Variants in RANBP17 observed in about 807,000 individuals in gnomAD.
The protein encoded by RANBP17 is ran-binding protein 17.
A neutral mutation model predicts 141.2 loss-of-function variants in RANBP17; 158 were observed. The observed-to-expected ratio is 1.12, with a 90% CI of 0.98 to 1.28. The LOEUF (loss-of-function observed/expected upper bound fraction) is 1.28. RANBP17 is among the 50% of genes most tolerant of loss of function. The probability of loss-of-function intolerance (pLI) is 0.00; values close to 1 mark genes in which losing one functional copy is unlikely to be tolerated. For synonymous variants in RANBP17, 430 were observed against 450.0 expected, an observed-to-expected ratio of 0.96 and a Z score of 0.56; for missense variants, 1,438 against 1,290.7, an observed-to-expected ratio of 1.11 and a Z score of -1.75.
chr5:170,953,251 C>G lies in RANBP17; in HGVS notation c.1469-346C>G, dbSNP rs368000393. Reference sequence around the variant, plus strand: ...CCTAGACAGTTTAGTGTTTTGTACTCAAATTTATTTTCAGTCATGTCTTCA... The same window carrying G: ...CCTAGACAGTTTAGTGTTTTGTACTGAAATTTATTTTCAGTCATGTCTTCA... On this transcript the variant is annotated intron_variant, in intron 12 of 27. Transcript: ENST00000523189. Among the ~76,000 whole-genome samples the G allele has an allele frequency of 4.1e-4, 62 of 152,106 alleles. 1 individual carries two copies. The South Asian group carries it at 0.012, about 31-fold the overall frequency.
chr5:171,060,865 T>C (rs1783784216), intron 14 of RANBP17, among the ~76,000 whole-genome samples: 1 of 152,204 alleles, frequency 6.6e-6, no homozygotes, highest in Non-Finnish European at 1.5e-5. Flanking sequence ...TATTCAGAGA[T>C]TCAGCTTCTT....
chr5:170,862,202 C>CCAGACCCGTGTCCCGGTCCCCGGCTA, intron 1 of RANBP17, 151 bp downstream of exon 1: 1 of 804,656 alleles, frequency 1.2e-6, no homozygotes, highest in Non-Finnish European at 1.7e-6. Flanking sequence ...TGCCCCTAGC[C>CCAGACCCGTGTCCCGGTCCCCGGCTA]GGGGACCGGG....
intron 19 of RANBP17, among the ~76,000 whole-genome samples, chr5:171,202,910 G>A (rs192034704): frequency 1.3e-5 from 2 of 152,112 alleles, no homozygotes; most frequent in Non-Finnish European, 2.9e-5. Flanking sequence ...ACAGTAAAGG[G>A]TCTGTGAGAC....
chr5:170,984,954 C>T (rs535266064), intron 14 of RANBP17, among the ~76,000 whole-genome samples: 48 of 152,012 alleles, frequency 3.2e-4, no homozygotes, highest in African/African-American at 1.1e-3. Flanking sequence ...AAGGAAGAGT[C>T]CTTTTAAAAT....
At chr5:171,108,416 T>G (rs2127754584) in intron 14 of RANBP17, among the ~76,000 whole-genome samples, 1 of 152,252 alleles carries the variant, frequency 6.6e-6, no homozygotes, top group South Asian at 2.1e-4. Flanking sequence ...TGTATTTTAT[T>G]TATTTATTTA....
chr5:171,199,626 T>C (rs780825591), intron 18 of RANBP17, 44 bp from the exon 19 acceptor site: 1 of 1,220,230 alleles, frequency 8.2e-7, no homozygotes, highest in Non-Finnish European at 1.2e-6. Context: ...AATGTACAAT[T>C]CTATGCATTT....
chr5:171,195,508 A>G (rs1320947268), intron 18 of RANBP17, among the ~76,000 whole-genome samples: 2 of 152,386 alleles, frequency 1.3e-5, no homozygotes, highest in South Asian at 2.1e-4. Context: ...TTTCTATAGT[A>G]TAATGCACCA....
intron 14 of RANBP17, among the ~76,000 whole-genome samples, chr5:171,104,974 T>C (rs1229306246): frequency 6.6e-6 from 1 of 152,220 alleles, no homozygotes; most frequent in Non-Finnish European, 1.5e-5. Flanking sequence ...GGAGTGTATT[T>C]ATATAAATGA....
rs1764774330 is a variant in RANBP17, at chr5:171,240,098, GAA to G, written c.2423-829_2423-828del. The stretch of plus-strand genomic sequence containing the variant: ...TAAATTGAATTTAGTTTCAATTTTA[GAA>G]GCAATACTCATTTGACCAGGAAAAA... On this transcript the variant is annotated intron_variant, in intron 22 of 27. Coordinates refer to ENST00000523189, the MANE Select transcript of RANBP17 (RefSeq NM_022897.5). Among the ~76,000 whole-genome samples, 3 of 152,008 alleles carry G rather than the reference GAA, an allele frequency of 2.0e-5. 1 individual carries two copies. Among genetic ancestry groups the G allele is most frequent in the African/African-American group, 7.3e-5 (3 of 41,362 alleles).
At chr5:171,042,455 C>T (rs147886557) in intron 14 of RANBP17, among the ~76,000 whole-genome samples, 235 of 152,096 alleles carry the variant, frequency 1.5e-3, no homozygotes, top group Middle Eastern at 3.4e-3. Context: ...GGCTTTTGTA[C>T]GTCATGGCTA....
chr5:170,918,616 T>C (rs1772172162), intron 9 of RANBP17, 97 bp from the exon 10 acceptor site: 12 of 971,444 alleles, frequency 1.2e-5, no homozygotes, highest in Non-Finnish European at 1.6e-5. Context: ...TAAGTACTCA[T>C]GAAAATTGGG....
chr5:170,989,141 A>G (rs1323028454), intron 14 of RANBP17, among the ~76,000 whole-genome samples: 1 of 151,838 alleles, frequency 6.6e-6, no homozygotes, highest in Non-Finnish European at 1.5e-5. Context: ...AATAGTTGTC[A>G]GTGAGAATCT....
chr5:171,192,025 G>T (rs1761683759), intron 18 of RANBP17, among the ~76,000 whole-genome samples: 1 of 152,170 alleles, frequency 6.6e-6, no homozygotes, highest in Admixed American at 6.5e-5. Context: ...AAAGTCAAAT[G>T]TAGTTTTTAA....
intron 13 of RANBP17, among the ~76,000 whole-genome samples, chr5:170,954,277 A>T (rs1775431745): frequency 6.6e-6 from 1 of 152,196 alleles, no homozygotes; most frequent in East Asian, 1.9e-4. Context: ...GAAAATAAAA[A>T]TTATATACTA....
At chr5:171,028,291 A>C (rs894486180) in intron 14 of RANBP17, among the ~76,000 whole-genome samples, 3 of 152,126 alleles carry the variant, frequency 2.0e-5, no homozygotes, top group African/African-American at 7.2e-5. Flanking sequence ...AAAAATCATC[A>C]GTTTTGGAGA....
At chr5:170,916,690 T>A in intron 9 of RANBP17, 106 bp downstream of exon 9, 1 of 758,088 alleles carries the variant, frequency 1.3e-6, no homozygotes, top group Non-Finnish European at 2.0e-6. Flanking sequence ...AAGAAAACAT[T>A]TAGTATCATA....
chr5:171,265,233 G>A (rs942431419), intron 24 of RANBP17, among the ~76,000 whole-genome samples: 1 of 152,206 alleles, frequency 6.6e-6, no homozygotes, highest in Non-Finnish European at 1.5e-5. Flanking sequence ...GGTTCAAAGA[G>A]TTATATAAGA....
At chr5:171,081,808 A>G (rs1785271783) in intron 14 of RANBP17, among the ~76,000 whole-genome samples, 1 of 152,128 alleles carries the variant, frequency 6.6e-6, no homozygotes, top group South Asian at 2.1e-4. Context: ...GTTTATTGTA[A>G]TACATGTAAT....
At chr5:171,096,443 G>T (rs547457789) in intron 14 of RANBP17, among the ~76,000 whole-genome samples, 2 of 152,260 alleles carry the variant, frequency 1.3e-5, no homozygotes, top group South Asian at 4.1e-4. Flanking sequence ...GGAAATCCGA[G>T]GAGAAATGCT....
Sources: gnomAD v4.1 joint callset for allele counts (sites outside exome capture counted in the v4.1 genomes callset) on GRCh38, gnomAD v4.1.1 for gene constraint, MANE v1.5 for transcripts, NCBI Gene and HGNC (gene_info 2026-07-23, HGNC 2026-07-21) for gene names.